The following PBX3 variants were observed in gnomAD, a reference collection of about 807,000 sequenced individuals.
The protein encoded by PBX3 is pre-B-cell leukemia transcription factor 3.
A neutral mutation model predicts 48.5 loss-of-function variants in PBX3; 14 were observed. That is an observed-to-expected ratio of 0.29 (90% CI 0.19 to 0.45). The LOEUF is 0.45. PBX3 is among the 20% of genes least tolerant of loss of function. PBX3 has a pLI of 1.00. For synonymous variants in PBX3, 210 were observed against 200.3 expected (o/e 1.05, Z -0.41); for missense variants, 386 against 546.7 (o/e 0.71, Z 2.93).
chr9:125,866,927 C>T (rs938623683), intron 2 of PBX3, among the ~76,000 whole-genome samples: 1 of 152,062 alleles, frequency 6.6e-6, no homozygotes, highest in African/African-American at 2.4e-5. Context: ...GCTTTTTTCA[C>T]CCCTAAGTCA....
At chr9:125,808,151 A>G (rs2132117064) in intron 2 of PBX3, among the ~76,000 whole-genome samples, 1 of 152,322 alleles carries the variant, frequency 6.6e-6, no homozygotes. Context: ...CAATTGTTAA[A>G]AATTAAAAAG....
At chr9:125,893,392 G>C (rs1448111503) in intron 2 of PBX3, among the ~76,000 whole-genome samples, 2 of 152,152 alleles carry the variant, frequency 1.3e-5, no homozygotes, top group African/African-American at 2.4e-5. Context: ...AGGGGTTCTT[G>C]AGTTGCTCAA....
intron 2 of PBX3, among the ~76,000 whole-genome samples, chr9:125,906,124 A>ATT (rs1456275063): frequency 6.6e-6 from 1 of 152,076 alleles, no homozygotes; most frequent in East Asian, 1.9e-4. Flanking sequence ...CTGTATTTAT[A>ATT]TTAAAGAGTC....
At chr9:125,878,169 C>G (rs1383115274) in intron 2 of PBX3, among the ~76,000 whole-genome samples, 1 of 152,134 alleles carries the variant, frequency 6.6e-6, no homozygotes, top group Non-Finnish European at 1.5e-5. Context: ...GGAGAGAAGT[C>G]ATTAGTTAAC....
At chr9:125,935,293 G>T (rs563429122) in intron 4 of PBX3, among the ~76,000 whole-genome samples, 179 bp from the exon 5 acceptor site, 1 of 152,194 alleles carries the variant, frequency 6.6e-6, no homozygotes, top group Non-Finnish European at 1.5e-5. Context: ...ATCTTAAAAT[G>T]AGTTGGATAA....
At chr9:125,852,517 G>C (rs576030305) in intron 2 of PBX3, among the ~76,000 whole-genome samples, 1 of 152,262 alleles carries the variant, frequency 6.6e-6, no homozygotes, top group East Asian at 1.9e-4. Context: ...ACCAGATTTG[G>C]AATAAGCACT....
intron 2 of PBX3, among the ~76,000 whole-genome samples, chr9:125,814,937 A>G (rs58685958): frequency 0.037 from 5,612 of 152,294 alleles, 364 homozygotes; most frequent in African/African-American, 0.13. Context: ...GCCATTCTTC[A>G]GCCTGAAGGA....
intron 5 of PBX3, among the ~76,000 whole-genome samples, chr9:125,959,463 C>T (rs1842380404): frequency 6.6e-6 from 1 of 152,230 alleles, no homozygotes; most frequent in Admixed American, 6.5e-5. Context: ...ATGTTGTCTT[C>T]CTCACATGGC....
At chr9:125,960,918 C>A in intron 6 of PBX3, 69 bp downstream of exon 6, 2 of 1,493,866 alleles carry the variant, frequency 1.3e-6, no homozygotes, top group Non-Finnish European at 1.8e-6. Flanking sequence ...GTCCCACAGG[C>A]CAGGAAACAA....
rs1841815604 is a variant in PBX3, at chr9:125,935,463, T to G, written c.708-9T>G. ...TAACTGCAATTATTTTCTTTCACTC[T>G]TGTCATAGACGGAAAAGGCGTAACT... is the stretch of plus-strand genomic sequence containing the variant. On this transcript the variant is annotated splice_polypyrimidine_tract_variant and intron_variant, in intron 4 of 8. Coordinates refer to ENST00000373489, the MANE Select transcript of PBX3 (RefSeq NM_006195.6). 4 of 1,613,106 alleles carry G rather than the reference T, an allele frequency of 2.5e-6. No individual in the cohort carries two copies. In the Admixed American group the frequency reaches 6.7e-5, roughly 27 times the overall value.
chr9:125,889,836 C>T (rs1341793653), intron 2 of PBX3, among the ~76,000 whole-genome samples: 3 of 148,066 alleles, frequency 2.0e-5, no homozygotes, highest in African/African-American at 7.3e-5. Context: ...CGCTCCGCGG[C>T]TCCGCGCTGC....
At chr9:125,851,487 T>C (rs947636215) in intron 2 of PBX3, among the ~76,000 whole-genome samples, 2 of 152,106 alleles carry the variant, frequency 1.3e-5, no homozygotes, top group Non-Finnish European at 2.9e-5. Context: ...CCACAGGCCA[T>C]TAGGAGATAT....
Position 125,902,855 on chromosome 9 carries a change from G to A in PBX3, c.275-12831G>A, listed in dbSNP as rs1454643237. Among the ~76,000 whole-genome samples the A allele has an allele frequency of 2.0e-5, 3 of 151,864 alleles. No homozygotes were observed. The East Asian group carries it at 5.8e-4, about 29-fold the overall frequency. On this transcript the variant is annotated intron_variant, in intron 2 of 8. Coordinates refer to ENST00000373489, the MANE Select transcript of PBX3 (RefSeq NM_006195.6). Reference sequence around the variant, plus strand: ...AGCATGTCAACTTGAACTAGACCAAGTAATCTGCAAAGCAGACTGTAACTC... The same window carrying A: ...AGCATGTCAACTTGAACTAGACCAAATAATCTGCAAAGCAGACTGTAACTC...
At chr9:125,854,920 A>G (rs1588223150) in intron 2 of PBX3, among the ~76,000 whole-genome samples, 2 of 152,172 alleles carry the variant, frequency 1.3e-5, no homozygotes, top group African/African-American at 2.4e-5. Context: ...AATGTAGATA[A>G]TATCTGTTTG....
At chr9:125,824,849 G>A (rs532740886) in intron 2 of PBX3, among the ~76,000 whole-genome samples, 12 of 152,198 alleles carry the variant, frequency 7.9e-5, no homozygotes, top group Middle Eastern at 3.4e-3. Context: ...TTGACTGAAC[G>A]TTGACTGTTT....
At chr9:125,749,938 G>A (rs1017216138) in intron 2 of PBX3, among the ~76,000 whole-genome samples, 2 of 152,108 alleles carry the variant, frequency 1.3e-5, no homozygotes, top group Non-Finnish European at 1.5e-5. Flanking sequence ...TATTATGGCT[G>A]GTTTCTTAAT....
At chr9:125,913,949 C>A (rs372453475) in intron 2 of PBX3, among the ~76,000 whole-genome samples, 23 of 151,968 alleles carry the variant, frequency 1.5e-4, no homozygotes, top group African/African-American at 5.1e-4. Context: ...CATTGCATGC[C>A]AAATGCACAA....
chr9:125,796,161 G>A (rs865815234), intron 2 of PBX3, among the ~76,000 whole-genome samples: 7 of 152,176 alleles, frequency 4.6e-5, no homozygotes, highest in Admixed American at 1.3e-4. Flanking sequence ...ACTGGACTTG[G>A]CATGTATTCA....
chr9:125,908,833 A>G (rs1037522891), intron 2 of PBX3, among the ~76,000 whole-genome samples: 4 of 152,070 alleles, frequency 2.6e-5, no homozygotes, highest in African/African-American at 7.2e-5. Context: ...TTGAACATCT[A>G]TCCCTTTGGA....
Sources: gnomAD v4.1 joint callset for allele counts (sites outside exome capture counted in the v4.1 genomes callset) on GRCh38, gnomAD v4.1.1 for gene constraint, MANE v1.5 for transcripts, NCBI Gene and HGNC (gene_info 2026-07-23, HGNC 2026-07-21) for gene names.